Variants in PEX5L observed in about 807,000 individuals in gnomAD.
PEX5L encodes the protein peroxisomal biogenesis factor 5 like.
A neutral mutation model predicts 84.0 loss-of-function variants in PEX5L; 30 were observed. The ratio of observed to expected loss-of-function variants is 0.36; its 90% CI spans 0.27 to 0.48. PEX5L has a LOEUF of 0.48. PEX5L is among the 20% of genes least tolerant of loss of function. PEX5L has a pLI of 0.99. For missense variants in PEX5L, 533 were observed against 754.6 expected (o/e 0.71, Z 3.44); for synonymous variants, 270 against 283.1 (o/e 0.95, Z 0.46).
intron 2 of PEX5L, among the ~76,000 whole-genome samples, chr3:179,962,720 A>G (rs971955753): frequency 2.6e-5 from 4 of 152,202 alleles, no homozygotes; most frequent in African/African-American, 9.6e-5. Flanking sequence ...CACTCCTTCC[A>G]CAATAAAAGG....
intron 1 of PEX5L, among the ~76,000 whole-genome samples, chr3:180,030,123 A>G (rs1791318634): frequency 6.6e-6 from 1 of 152,192 alleles, no homozygotes; most frequent in African/African-American, 2.4e-5. Context: ...TTCCCAGGAA[A>G]TGTTGGATTT....
At chr3:179,879,278 T>C (rs867989222) in intron 5 of PEX5L, among the ~76,000 whole-genome samples, 1 of 152,154 alleles carries the variant, frequency 6.6e-6, no homozygotes. Context: ...TCAGAGGAGG[T>C]AGAATACAGT....
At chr3:179,906,852 G>A (rs1253214991) in intron 2 of PEX5L, among the ~76,000 whole-genome samples, 1 of 152,110 alleles carries the variant, frequency 6.6e-6, no homozygotes, top group Non-Finnish European at 1.5e-5. Flanking sequence ...CAAATGGAGG[G>A]ACATCTTAAC....
In PEX5L at chr3:179,795,970, CT is replaced by C. The variant is rs1716765814; in HGVS notation, c.*5857del. On this transcript the variant is annotated 3_prime_UTR_variant, in exon 15 of 15. Transcript: ENST00000467460. Reference sequence around the variant, plus strand: ...GAACATGAAAGGAAGTTGGTAAAAACTTAAGTTTGCTGTATTTCCCTTAACT... The same window carrying C: ...GAACATGAAAGGAAGTTGGTAAAAACTAAGTTTGCTGTATTTCCCTTAACT... The C allele has an allele frequency of 6.7e-6, 1 of 148,930 alleles. No homozygotes were observed. Among genetic ancestry groups the C allele is most frequent in the African/African-American group, 2.5e-5 (1 of 40,478 alleles). 9.2% of individuals were successfully genotyped at this position (148,930 alleles called of 1,614,324 possible).
chr3:180,000,760 T>C (rs1788325798), intron 1 of PEX5L, among the ~76,000 whole-genome samples: 1 of 152,240 alleles, frequency 6.6e-6, no homozygotes, highest in Admixed American at 6.5e-5. Flanking sequence ...ATTTAAGTAT[T>C]GTTAACTTTA....
At chr3:179,849,626 C>T (rs1740999582) in intron 8 of PEX5L, among the ~76,000 whole-genome samples, 1 of 152,180 alleles carries the variant, frequency 6.6e-6, no homozygotes, top group Admixed American at 6.5e-5. Context: ...GCTACTGTCC[C>T]ACTGGTGTTT....
At chr3:179,987,236 C>CCCTT (rs1322555071) in intron 1 of PEX5L, among the ~76,000 whole-genome samples, 1 of 151,460 alleles carries the variant, frequency 6.6e-6, no homozygotes, top group African/African-American at 2.4e-5. Flanking sequence ...CTCCCTCCCT[C>CCCTT]CCTTCATTTC....
chr3:179,810,117 G>A (rs1169246994), intron 11 of PEX5L, among the ~76,000 whole-genome samples: 2 of 135,376 alleles, frequency 1.5e-5, no homozygotes, highest in Non-Finnish European at 3.1e-5. Flanking sequence ...GGACTCAAGC[G>A]ATTTTCCTGC....
At chr3:179,910,427 C>T (rs1219120041) in intron 2 of PEX5L, among the ~76,000 whole-genome samples, 1 of 152,088 alleles carries the variant, frequency 6.6e-6, no homozygotes, top group African/African-American at 2.4e-5. Flanking sequence ...TTGTTTCCAG[C>T]TAAAAGTTTA....
At chr3:179,864,618 T>C (rs1747458181) in intron 7 of PEX5L, among the ~76,000 whole-genome samples, 1 of 152,070 alleles carries the variant, frequency 6.6e-6, no homozygotes, top group Non-Finnish European at 1.5e-5. Context: ...TATGGCACAT[T>C]ATGGTAACTA....
At chr3:179,862,059 A>C (rs569059622) in intron 7 of PEX5L, among the ~76,000 whole-genome samples, 2 of 152,322 alleles carry the variant, frequency 1.3e-5, no homozygotes, top group Admixed American at 1.3e-4. Context: ...AGGCATTAGC[A>C]GGGCCACGTT....
chr3:179,825,603 G>A (rs1730167270), intron 8 of PEX5L, among the ~76,000 whole-genome samples: 1 of 81,272 alleles, frequency 1.2e-5, no homozygotes, highest in South Asian at 3.3e-4. Context: ...GGGGTATGCT[G>A]GAAAAAAAAA....
At chr3:179,847,822 C>T (rs892604638) in intron 8 of PEX5L, among the ~76,000 whole-genome samples, 1 of 151,896 alleles carries the variant, frequency 6.6e-6, no homozygotes, top group African/African-American at 2.4e-5. Context: ...CCACCTCAAC[C>T]TCCCGAGTAG....
Position 179,809,671 on chromosome 3 carries a change from GAAA to G in PEX5L, c.1155-6_1155-4del. Reference sequence around the variant, plus strand: ...TGTTGGGCTGTAATTCTAAGCACCTGAAAAAAAAAAAGAAGCCAATTTCAGATT... The same window carrying G: ...TGTTGGGCTGTAATTCTAAGCACCTGAAAAAAAAGAAGCCAATTTCAGATT... On this transcript the variant is annotated splice_region_variant and splice_polypyrimidine_tract_variant and intron_variant, in intron 11 of 14. Coordinates refer to ENST00000467460, the MANE Select transcript of PEX5L (RefSeq NM_016559.3). 2 of 1,391,500 alleles carry G rather than the reference GAAA, an allele frequency of 1.4e-6. No homozygotes were observed. The highest frequency in any genetic ancestry group is 9.7e-7 in the Non-Finnish European group (1 of 1,031,520). The allele number at this position is 1,391,500 out of a possible 1,614,324, so 86.2% of individuals were successfully genotyped here.
chr3:179,942,764 G>GT (rs1486024366), intron 2 of PEX5L, among the ~76,000 whole-genome samples: 1 of 152,250 alleles, frequency 6.6e-6, no homozygotes, highest in Non-Finnish European at 1.5e-5. Context: ...GGAACAGGGA[G>GT]TTAGCATGTG....
At chr3:179,877,915 T>C (rs1285019602) in intron 5 of PEX5L, among the ~76,000 whole-genome samples, 1 of 152,228 alleles carries the variant, frequency 6.6e-6, no homozygotes, top group Non-Finnish European at 1.5e-5. Context: ...CGTTCCTGTG[T>C]ATGCCACTAG....
chr3:179,859,447 T>C (rs1042006224), intron 7 of PEX5L, among the ~76,000 whole-genome samples: 8 of 152,218 alleles, frequency 5.3e-5, no homozygotes, highest in African/African-American at 1.7e-4. Flanking sequence ...TTGGTCTCGA[T>C]TCCAGGCCTT....
rs944492711 is a variant in PEX5L, at chr3:179,879,993, G to A, written c.441C>T (p.Ile147=). ...GGCCTCTCTGCTCAGCATCCGTGCT[G>A]ATGAGGTCAGATCCATCGGCCTTTT... ...LKKKADGSDL[I]STDAEQRGQP... Residue 147 remains isoleucine (I), a synonymous_variant, in exon 5 of 15, where the codon ATC becomes ATT. Coordinates refer to ENST00000467460, the MANE Select transcript of PEX5L (RefSeq NM_016559.3). 6.2e-7 allele frequency: 1 copy of A among 1,613,908 alleles called. No individual in the cohort carries two copies. Among genetic ancestry groups the A allele is most frequent in the Non-Finnish European group, 8.5e-7 (1 of 1,179,862 alleles).
At position 179,800,942 on chromosome 3, in the gene PEX5L, T is replaced by A. The variant is rs1490482913; in HGVS notation, c.*886A>T. 1 of 152,470 alleles carries A rather than the reference T, an allele frequency of 6.6e-6. No individual in the cohort carries two copies. Among genetic ancestry groups the A allele is most frequent in the African/African-American group, 2.4e-5 (1 of 41,446 alleles). 9.4% of individuals were successfully genotyped at this position (152,470 alleles called of 1,614,324 possible). Reference sequence around the variant, plus strand: ...ATGCATGAAGAGACAGTACCTTGTGTCTTACTTATGTTCATACAGACCCAG... The same window carrying A: ...ATGCATGAAGAGACAGTACCTTGTGACTTACTTATGTTCATACAGACCCAG... On this transcript the variant is annotated 3_prime_UTR_variant, in exon 15 of 15. Coordinates refer to ENST00000467460, the MANE Select transcript of PEX5L (RefSeq NM_016559.3).
Sources: gnomAD v4.1 joint callset for allele counts (sites outside exome capture counted in the v4.1 genomes callset) on GRCh38, gnomAD v4.1.1 for gene constraint, MANE v1.5 for transcripts, NCBI Gene and HGNC (gene_info 2026-07-23, HGNC 2026-07-21) for gene names.